ANOS1: variants seen among roughly 807,000 people sequenced by gnomAD.
ANOS1 encodes the protein anosmin 1.
A neutral mutation model predicts 59.0 loss-of-function variants in ANOS1; 6 were observed. That is an observed-to-expected ratio of 0.10 (90% CI 0.06 to 0.20). ANOS1 has a LOEUF of 0.20. Among genes scored for constraint, ANOS1 ranks in the 10% least tolerant of loss-of-function variants. ANOS1 has a pLI of 1.00. For missense variants in ANOS1, 433 were observed against 542.3 expected (o/e 0.80, Z 2.00); for synonymous variants, 217 against 223.4 (o/e 0.97, Z 0.25).
chrX:8,693,733 ATT>A (rs35989320), intron 2 of ANOS1, among the ~76,000 whole-genome samples: 5 of 75,312 alleles, frequency 6.6e-5, no homozygotes, highest in African/African-American at 5.2e-5. Context: ...TATTGCATGA[ATT>A]TTTTTTTTTT....
chrX:8,595,755 T>C (rs150720929), intron 4 of ANOS1, among the ~76,000 whole-genome samples: 1,958 of 111,369 alleles, frequency 0.018, 47 homozygotes, highest in African/African-American at 0.061. Context: ...TGACTGACTC[T>C]ATATTAGGGG....
chrX:8,619,819 T>C (rs1931257352), intron 3 of ANOS1, among the ~76,000 whole-genome samples: 1 of 112,252 alleles, frequency 8.9e-6, no homozygotes, highest in African/African-American at 3.2e-5. Context: ...GTGATTAAAA[T>C]TACCAAGAAC....
rs182405599 is a variant in ANOS1 at position 8,685,617 on chromosome X, A to G, written c.255+14081T>C. On this transcript the variant is annotated intron_variant, in intron 2 of 13. Transcript: ENST00000262648. ...GAAAGGAAGAAAGAAAGAAAGAAAG[A>G]AAGAAAGAAAGAAAGAAAGAAAGAA... Among the ~76,000 whole-genome samples, 11 of 95,139 alleles carry G rather than the reference A, an allele frequency of 1.2e-4. No individual in the cohort carries two copies. The East Asian group carries it at 1.6e-3, about 14-fold the overall frequency. The allele number at this position is 95,139 out of a possible 115,157, so 82.6% of individuals were successfully genotyped here. A position where few individuals can be genotyped will look rare whatever the true frequency, so the allele number is the denominator to read the frequency against.
At chrX:8,685,584 AAG>A (rs1188467023) in intron 2 of ANOS1, among the ~76,000 whole-genome samples, 3 of 74,311 alleles carry the variant, frequency 4.0e-5, no homozygotes, top group Non-Finnish European at 8.1e-5. Flanking sequence ...GAAGGAAAGA[AAG>A]AGAAAGAAAG....
intron 3 of ANOS1, among the ~76,000 whole-genome samples, chrX:8,621,791 G>A (rs1931298169): frequency 8.9e-6 from 1 of 111,796 alleles, no homozygotes; most frequent in Non-Finnish European, 1.9e-5. Flanking sequence ...ATCATTCACA[G>A]CTGAGATCTT....
At chrX:8,577,987 A>G (rs368537056) in intron 6 of ANOS1, among the ~76,000 whole-genome samples, 1 of 112,022 alleles carries the variant, frequency 8.9e-6, no homozygotes, top group Non-Finnish European at 1.9e-5. Context: ...AAAGAGAGCA[A>G]CGATTATAGA....
intron 8 of ANOS1, among the ~76,000 whole-genome samples, chrX:8,554,757 T>C (rs1005542553): frequency 1.8e-5 from 2 of 108,540 alleles, no homozygotes; most frequent in African/African-American, 6.7e-5. Flanking sequence ...CAAAGACACT[T>C]AGACTCCCAC....
chrX:8,668,430 T>TATATATATGCAC (rs1394731479), intron 2 of ANOS1, among the ~76,000 whole-genome samples: 1 of 80,258 alleles, frequency 1.2e-5, no homozygotes, highest in African/African-American at 5.0e-5. Context: ...TATATATATA[T>TATATATATGCAC]ACACACACAT....
At chrX:8,640,453 C>T (rs1931641444) in intron 2 of ANOS1, among the ~76,000 whole-genome samples, 1 of 110,717 alleles carries the variant, frequency 9.0e-6, no homozygotes, top group Non-Finnish European at 1.9e-5. Context: ...GATGGCCCCA[C>T]CGAATCAATT....
intron 2 of ANOS1, among the ~76,000 whole-genome samples, chrX:8,660,615 TA>T (rs200213001): frequency 0.06 from 4,882 of 80,977 alleles, 140 homozygotes; most frequent in Admixed American, 0.16. Flanking sequence ...TCTATAATTT[TA>T]AAAAGAAAAT....
At chrX:8,577,264 G>A (rs1272202085) in intron 6 of ANOS1, among the ~76,000 whole-genome samples, 1 of 111,778 alleles carries the variant, frequency 8.9e-6, no homozygotes, top group East Asian at 2.8e-4. Flanking sequence ...GGGAAATTGA[G>A]GATCACAGTT....
At chrX:8,634,247 TAA>T (rs949761090) in intron 2 of ANOS1, among the ~76,000 whole-genome samples, 1 of 110,860 alleles carries the variant, frequency 9.0e-6, no homozygotes, top group African/African-American at 3.3e-5. Flanking sequence ...AAAATGATTA[TAA>T]GTGTATGTGT....
In ANOS1 at chrX:8,706,295, C is replaced by T. The variant is rs1436905695; in HGVS notation, c.208-6550G>A. ...TACAATTTCCAAAATACATACCAAACTAGTGTCTAACAATGGAACTGAACA... is the reference window on the plus strand; with the variant it reads ...TACAATTTCCAAAATACATACCAAATTAGTGTCTAACAATGGAACTGAACA... On this transcript the variant is annotated intron_variant, in intron 1 of 13. Coordinates refer to ENST00000262648, the MANE Select transcript of ANOS1 (RefSeq NM_000216.4). 4.5e-5 allele frequency among the ~76,000 whole-genome samples: 5 copies of T among 112,221 alleles called. No individual in the cohort carries two copies. In the East Asian group the frequency reaches 1.4e-3, roughly 31 times the overall value.
intron 1 of ANOS1, among the ~76,000 whole-genome samples, chrX:8,720,789 G>C (rs965583855): frequency 9.0e-6 from 1 of 111,172 alleles, no homozygotes; most frequent in East Asian, 2.8e-4. Context: ...AGCCAGGTAC[G>C]GGGGTGTAAC....
intron 2 of ANOS1, among the ~76,000 whole-genome samples, chrX:8,672,193 C>T (rs1163382557): frequency 9.0e-6 from 1 of 110,954 alleles, no homozygotes; most frequent in Non-Finnish European, 1.9e-5. Flanking sequence ...CACACACAGA[C>T]ACAAACACAC....
chrX:8,671,227 T>TA (rs778828238), intron 2 of ANOS1, among the ~76,000 whole-genome samples: 6 of 111,773 alleles, frequency 5.4e-5, no homozygotes, highest in Non-Finnish European at 9.4e-5. Flanking sequence ...AGCAGCTTCT[T>TA]AAACTTCTCT....
rs193278580 is a variant in ANOS1, at chrX:8,589,690, T to C, written c.542-1712A>G. Among the ~76,000 whole-genome samples the C allele has an allele frequency of 2.7e-4, 30 of 112,130 alleles. 1 individual carries two copies. The highest frequency in any genetic ancestry group is 5.4e-4 in the Non-Finnish European group (29 of 53,247). Reference sequence around the variant, plus strand: ...TTGTATTGTAAACTTTTCATCTCAGTGCATAACCATAGCAATGGGGGTACC... The same window carrying C: ...TTGTATTGTAAACTTTTCATCTCAGCGCATAACCATAGCAATGGGGGTACC... On this transcript the variant is annotated intron_variant, in intron 4 of 13. Transcript: ENST00000262648.
At chrX:8,665,345 G>GC (rs1252125569) in intron 2 of ANOS1, among the ~76,000 whole-genome samples, 1 of 112,439 alleles carries the variant, frequency 8.9e-6, no homozygotes, top group Non-Finnish European at 1.9e-5. Flanking sequence ...GCCTGGCAGT[G>GC]CCCAGGCTGA....
chrX:8,570,849 T>C (rs1930219291), intron 6 of ANOS1, 145 bp from the exon 7 acceptor site: 1 of 552,875 alleles, frequency 1.8e-6, no homozygotes, highest in Non-Finnish European at 3.1e-6. Flanking sequence ...TGGTGGCTCA[T>C]GTCTGCAATC....
Sources: allele counts gnomAD v4.1 joint callset (sites outside exome capture counted in the v4.1 genomes callset), GRCh38; gene constraint gnomAD v4.1.1; transcripts MANE v1.5; gene names NCBI Gene and HGNC (gene_info 2026-07-23, HGNC 2026-07-21).